The following ETV6 variants were observed in gnomAD, a reference collection of about 807,000 sequenced individuals.
ETV6 encodes ETS variant transcription factor 6.
A neutral mutation model predicts 51.1 loss-of-function variants in ETV6; 16 were observed. The observed-to-expected ratio is 0.31, with a 90% CI of 0.21 to 0.48. ETV6 has a LOEUF of 0.48. Ranked by LOEUF, ETV6 falls within the 20% of genes least tolerant of loss-of-function variation. The pLI is 0.99. For missense variants in ETV6, 458 were observed against 594.8 expected (o/e 0.77, Z 2.39); for synonymous variants, 240 against 224.1 (o/e 1.07, Z -0.64).
intron 4 of ETV6, among the ~76,000 whole-genome samples, chr12:11,860,747 A>G (rs1808967059): frequency 6.6e-6 from 1 of 152,108 alleles, no homozygotes; most frequent in Non-Finnish European, 1.5e-5. Flanking sequence ...AACATTTACA[A>G]TTTTAACCAT....
chr12:11,890,427 CTT>C (rs11316604), intron 7 of ETV6, among the ~76,000 whole-genome samples: 20 of 143,412 alleles, frequency 1.4e-4, no homozygotes, highest in South Asian at 4.5e-4. Context: ...ACAGCCTAGA[CTT>C]TTTTTTTTTT....
chr12:11,730,514 C>T (rs976847185), intron 1 of ETV6, among the ~76,000 whole-genome samples: 4 of 152,196 alleles, frequency 2.6e-5, no homozygotes, highest in Admixed American at 2.0e-4. Flanking sequence ...ATTTAGAGTT[C>T]TAAGGACGGG....
At chr12:11,839,463 G>A (rs1446455470) in intron 3 of ETV6, among the ~76,000 whole-genome samples, 159 bp downstream of exon 3, 2 of 152,228 alleles carry the variant, frequency 1.3e-5, no homozygotes, top group East Asian at 3.8e-4. Context: ...ATGCTAGCAT[G>A]AGCCAGTTTG....
chr12:11,760,028 A>G (rs1591654678), intron 2 of ETV6, among the ~76,000 whole-genome samples: 1 of 152,198 alleles, frequency 6.6e-6, no homozygotes, highest in South Asian at 2.1e-4. Context: ...TGCTGTTGCC[A>G]TGGGTGGATT....
chr12:11,657,563 A>G (rs1414937889), intron 1 of ETV6, among the ~76,000 whole-genome samples: 2 of 152,262 alleles, frequency 1.3e-5, no homozygotes, highest in Non-Finnish European at 1.5e-5. Context: ...ACGTGGATGA[A>G]TGATTTATGA....
intron 2 of ETV6, among the ~76,000 whole-genome samples, chr12:11,794,074 C>A (rs754679428): frequency 6.6e-6 from 1 of 152,128 alleles, no homozygotes; most frequent in Non-Finnish European, 1.5e-5. Flanking sequence ...ATATAGCCCA[C>A]AGCACTGACG....
chr12:11,785,629 A>G (rs1945474103), intron 2 of ETV6, among the ~76,000 whole-genome samples: 1 of 152,224 alleles, frequency 6.6e-6, no homozygotes, highest in African/African-American at 2.4e-5. Context: ...TACAGTTATA[A>G]TTAGTGAGAA....
At chr12:11,859,233 C>T (rs548791211) in intron 4 of ETV6, among the ~76,000 whole-genome samples, 1 of 140,804 alleles carries the variant, frequency 7.1e-6, no homozygotes, top group Admixed American at 7.8e-5. Context: ...GCTCCACCTC[C>T]TGGGTTCACT....
chr12:11,746,813 T>A (rs961704955), intron 1 of ETV6, among the ~76,000 whole-genome samples: 3 of 130,870 alleles, frequency 2.3e-5, no homozygotes, highest in Middle Eastern at 4.1e-3. Context: ...TTTTTTTTTT[T>A]AATCTCACTA....
chr12:11,827,752 G>A (rs1199175281), intron 2 of ETV6, among the ~76,000 whole-genome samples: 1 of 152,208 alleles, frequency 6.6e-6, no homozygotes, highest in Non-Finnish European at 1.5e-5. Context: ...AGTTCAGAAT[G>A]AGAATGAGTT....
chr12:11,785,599 A>G (rs778627490), intron 2 of ETV6, among the ~76,000 whole-genome samples: 8 of 152,210 alleles, frequency 5.3e-5, no homozygotes, highest in Non-Finnish European at 4.4e-5. Context: ...TTCCATCTCC[A>G]TTATCACCAA....
At chr12:11,886,097 G>A in intron 7 of ETV6, 71 bp downstream of exon 7, 1 of 1,126,560 alleles carries the variant, frequency 8.9e-7, no homozygotes, top group Non-Finnish European at 1.4e-6. Flanking sequence ...GGGAGTGGGG[G>A]GAGACTGTTA....
chr12:11,691,074 G>GC (rs1864752326), intron 1 of ETV6, among the ~76,000 whole-genome samples: 1 of 149,690 alleles, frequency 6.7e-6, no homozygotes. Flanking sequence ...TCTGGTAAGG[G>GC]CCCTCTCCTG....
rs1254218348 is a variant in ETV6 at position 11,865,225 on chromosome 12, T to C, written c.464-4199T>C. ...GAGATCACGCCACTGCACTCCAGCCTGGGTGAAAGAGCGAGACTCCGTCTC... is the reference window on the plus strand; with the variant it reads ...GAGATCACGCCACTGCACTCCAGCCCGGGTGAAAGAGCGAGACTCCGTCTC... On this transcript the variant is annotated intron_variant, in intron 4 of 7. Coordinates refer to ENST00000396373, the MANE Select transcript of ETV6 (RefSeq NM_001987.5). Among the ~76,000 whole-genome samples, 12 of 134,204 alleles carry C rather than the reference T, an allele frequency of 8.9e-5. No homozygotes were observed. In the East Asian group the frequency reaches 2.6e-3, roughly 29 times the overall value. The allele number at this position is 134,204 out of a possible 152,430, so 88.0% of individuals were successfully genotyped here.
At chr12:11,723,044 T>C (rs1398184057) in intron 1 of ETV6, among the ~76,000 whole-genome samples, 1 of 152,212 alleles carries the variant, frequency 6.6e-6, no homozygotes, top group Non-Finnish European at 1.5e-5. Flanking sequence ...GAAGTCAGAC[T>C]ACCTGGGCTT....
At chr12:11,720,817 CT>C (rs1865369895) in intron 1 of ETV6, among the ~76,000 whole-genome samples, 1 of 152,172 alleles carries the variant, frequency 6.6e-6, no homozygotes, top group African/African-American at 2.4e-5. Context: ...TATTTGCAAA[CT>C]GTGCATCCAA....
chr12:11,748,774 A>T (rs984684570), intron 1 of ETV6, among the ~76,000 whole-genome samples: 2 of 152,164 alleles, frequency 1.3e-5, no homozygotes, highest in African/African-American at 4.8e-5. Flanking sequence ...GCAGAATTAG[A>T]TGGGTACCCT....
At chr12:11,806,427 C>T (rs989835353) in intron 2 of ETV6, among the ~76,000 whole-genome samples, 2 of 152,150 alleles carry the variant, frequency 1.3e-5, no homozygotes, top group Non-Finnish European at 2.9e-5. Flanking sequence ...AAAATGAATG[C>T]TGCATGAAGG....
intron 1 of ETV6, among the ~76,000 whole-genome samples, chr12:11,658,526 T>C (rs1864044158): frequency 1.3e-5 from 2 of 152,204 alleles, no homozygotes; most frequent in African/African-American, 4.8e-5. Context: ...TGAGCCACTG[T>C]CCCCGGCCCC....
Sources: allele counts gnomAD v4.1 joint callset (sites outside exome capture counted in the v4.1 genomes callset), GRCh38; gene constraint gnomAD v4.1.1; transcripts MANE v1.5; gene names NCBI Gene and HGNC (gene_info 2026-07-23, HGNC 2026-07-21).